Variants in C8orf89 observed in about 807,000 individuals in gnomAD.
The protein encoded by C8orf89 is chromosome 8 open reading frame 89, also known as putative uncharacterized protein C8orf89.
In C8orf89, 14 loss-of-function variants were observed where a neutral mutation model predicts 15.8. The observed-to-expected ratio is 0.89, with a 90% CI of 0.59 to 1.39. The LOEUF (loss-of-function observed/expected upper bound fraction) is 1.39, where lower values mean the gene tolerates loss of function less well. Among genes scored for constraint, C8orf89 ranks in the 40% most tolerant of loss-of-function variants. The pLI is 0.00. For missense variants in C8orf89, 181 were observed against 184.5 expected (o/e 0.98, Z 0.11); for synonymous variants, 55 against 62.2 (o/e 0.88, Z 0.54).
At chr8:73,277,555 C>T in the C8orf89 span, 1 of 762,716 alleles carries the variant, frequency 1.3e-6, no homozygotes, top group South Asian at 1.4e-5. Context: ...GCCTCCATTC[C>T]AGGCTCAGAA....
At chr8:73,241,636 A>C in intron 3 of C8orf89, 31 bp from the exon 4 acceptor site, 1 of 1,470,222 alleles carries the variant, frequency 6.8e-7, no homozygotes, top group Non-Finnish European at 9.0e-7. Context: ...TCAGCTATTA[A>C]AATGAATTAA....
intron 3 of C8orf89, among the ~76,000 whole-genome samples, chr8:73,243,599 G>C (rs185805095): frequency 0.011 from 1,746 of 152,054 alleles, 33 homozygotes; most frequent in African/African-American, 0.04. Context: ...GTGCAATCTC[G>C]GCTCACTGCA....
upstream of C8orf89, among the ~76,000 whole-genome samples, chr8:73,260,002 A>G (rs1203134529): frequency 6.6e-6 from 1 of 152,210 alleles, no homozygotes; most frequent in African/African-American, 2.4e-5. Flanking sequence ...GCTACCATTT[A>G]TGAAATGCCT....
chr8:73,264,192 G>A (rs1004129037), upstream of C8orf89, among the ~76,000 whole-genome samples: 2 of 152,076 alleles, frequency 1.3e-5, no homozygotes, highest in African/African-American at 4.8e-5. Flanking sequence ...AAAAAACATG[G>A]TACTAAATAG....
chr8:73,243,986 A>G (rs1813066687), intron 3 of C8orf89, among the ~76,000 whole-genome samples: 1 of 151,714 alleles, frequency 6.6e-6, no homozygotes, highest in South Asian at 2.1e-4. Context: ...CTGATTTTGT[A>G]CAATACTTTT....
At chr8:73,243,336 A>C (rs117054888) in intron 3 of C8orf89, among the ~76,000 whole-genome samples, 5,263 of 152,284 alleles carry the variant, frequency 0.035, 98 homozygotes, top group African/African-American at 0.04. Context: ...AACATAAAGG[A>C]TAAATGCCTG....
At chr8:73,242,465 AAATT>A (rs564281248) in intron 3 of C8orf89, among the ~76,000 whole-genome samples, 3 of 152,206 alleles carry the variant, frequency 2.0e-5, no homozygotes, top group South Asian at 2.1e-4. Context: ...ATGTTAATAA[AAATT>A]AATTAATTAA....
intron 2 of C8orf89, among the ~76,000 whole-genome samples, chr8:73,252,714 A>C (rs577579979): frequency 2.0e-5 from 3 of 152,214 alleles, no homozygotes; most frequent in Non-Finnish European, 4.4e-5. Context: ...CTTGTGTGCT[A>C]GGCATAACTG....
At chr8:73,278,026 TG>T in the C8orf89 span, 1 of 538,574 alleles carries the variant, frequency 1.9e-6, no homozygotes, top group South Asian at 1.7e-5. Flanking sequence ...TGAGGAAACT[TG>T]GGTTCTGGAA....
At chr8:73,272,201 A>G in the C8orf89 span, among the ~76,000 whole-genome samples, 2 of 152,134 alleles carry the variant, frequency 1.3e-5, no homozygotes, top group Admixed American at 1.3e-4. Context: ...TAATGAGAGA[A>G]GTATATCTTT....
chr8:73,249,138 T>C (rs1169140776), intron 3 of C8orf89, among the ~76,000 whole-genome samples: 3 of 152,192 alleles, frequency 2.0e-5, no homozygotes, highest in East Asian at 3.8e-4. Context: ...GGAAAGGTGT[T>C]GAATTTTATC....
upstream of C8orf89, among the ~76,000 whole-genome samples, chr8:73,264,479 G>A (rs1012722780): frequency 1.3e-5 from 2 of 152,098 alleles, no homozygotes; most frequent in African/African-American, 4.8e-5. Flanking sequence ...GCTAAGGAAG[G>A]TCTCATTGAC....
intron 3 of C8orf89, among the ~76,000 whole-genome samples, chr8:73,248,398 G>T (rs1337162689): frequency 6.6e-6 from 1 of 152,034 alleles, no homozygotes; most frequent in African/African-American, 2.4e-5. Context: ...TGTTCTTTTT[G>T]CTTAGGATTG....
chr8:73,255,011 A>T (rs2130276261), intron 2 of C8orf89, among the ~76,000 whole-genome samples: 1 of 152,300 alleles, frequency 6.6e-6, no homozygotes, highest in East Asian at 1.9e-4. Flanking sequence ...AAACCATAAA[A>T]ACCCTAGAAG....
the C8orf89 span, among the ~76,000 whole-genome samples, chr8:73,281,068 C>A: frequency 6.6e-6 from 1 of 151,816 alleles, no homozygotes; most frequent in Non-Finnish European, 1.5e-5. Context: ...TATACATGTC[C>A]TTATAATTGT....
chr8:73,257,153 T>G, intron 1 of C8orf89, 27 bp from the exon 2 acceptor site: 1 of 1,438,454 alleles, frequency 7.0e-7, no homozygotes, highest in Non-Finnish European at 9.3e-7. Context: ...AAGAATCATC[T>G]TGATTAAATG....
the C8orf89 span, among the ~76,000 whole-genome samples, chr8:73,270,586 A>C: frequency 6.6e-6 from 1 of 152,194 alleles, no homozygotes; most frequent in Admixed American, 6.5e-5. Flanking sequence ...ACTAAAGAAG[A>C]AATATTAAAA....
rs59778496 is a variant in C8orf89 at position 73,241,462 on chromosome 8, G to A, written c.481C>T (p.Arg161Cys). Reference protein sequence around the residue: ...KKSKKRDLRDR With the variant: ...KKSKKRDLRDC ...ATCACACTGTACGACATTTTTCAGC[G>A]GTCTCGGAGGTCTCGTTTCTTGCTT... Residue 161 changes from arginine to cysteine, a missense_variant, in exon 4 of 4, where the codon CGC becomes TGC. Physicochemically the swap from Arg to Cys is radical, Grantham distance 180. Transcript: ENST00000624510. 1.9e-3 allele frequency: 2,891 copies of A among 1,521,566 alleles called. 72 individuals are homozygous for A. The East Asian group carries it at 0.059, about 31-fold the overall frequency. 94.3% of individuals were successfully genotyped at this position (1,521,566 alleles called of 1,614,324 possible).
chr8:73,247,515 C>T (rs991786752), intron 3 of C8orf89, among the ~76,000 whole-genome samples: 4 of 152,180 alleles, frequency 2.6e-5, no homozygotes, highest in Non-Finnish European at 4.4e-5. Flanking sequence ...GAGGAATCAC[C>T]ACACTGTTTC....
Sources: gnomAD v4.1 joint callset for allele counts (sites outside exome capture counted in the v4.1 genomes callset) on GRCh38, gnomAD v4.1.1 for gene constraint, MANE v1.5 for transcripts, NCBI Gene and HGNC (gene_info 2026-07-23, HGNC 2026-07-21) for gene names.